Variants in VSX2 observed in about 807,000 individuals in gnomAD.
The protein encoded by VSX2 is ceh-10 homeo domain containing homolog.
Under a neutral mutation model 32.1 loss-of-function variants are expected in VSX2, and 28 were observed. The ratio of observed to expected loss-of-function variants is 0.87; its 90% CI spans 0.65 to 1.20. The LOEUF (loss-of-function observed/expected upper bound fraction) is 1.20. Ranked by LOEUF, VSX2 falls within the 50% of genes most tolerant of loss-of-function variation. VSX2 has a pLI of 0.00. For synonymous variants in VSX2, 243 were observed against 214.1 expected (o/e 1.14, Z -1.18); for missense variants, 506 against 488.7 (o/e 1.04, Z -0.33).
At chr14:74,249,849 C>T (rs1446816180) in intron 3 of VSX2, among the ~76,000 whole-genome samples, 1 of 152,196 alleles carries the variant, frequency 6.6e-6, no homozygotes. Context: ...CCTCACTCCA[C>T]ATCGCTCTGG....
intron 3 of VSX2, among the ~76,000 whole-genome samples, chr14:74,254,131 C>T (rs114318791): frequency 0.042 from 6,334 of 149,216 alleles, 307 homozygotes; most frequent in African/African-American, 0.12. Context: ...GGGGAGAGGC[C>T]AGGCGTGGGG....
chr14:74,245,757 A>G (rs2079188396), intron 3 of VSX2, among the ~76,000 whole-genome samples: 1 of 151,836 alleles, frequency 6.6e-6, no homozygotes, highest in South Asian at 2.1e-4. Context: ...CCATGATGAA[A>G]GTGTTACCCC....
intron 3 of VSX2, among the ~76,000 whole-genome samples, chr14:74,253,355 A>G (rs1346951311): frequency 1.3e-5 from 2 of 152,236 alleles, no homozygotes; most frequent in Non-Finnish European, 2.9e-5. Flanking sequence ...TGGGTTTGTC[A>G]GAACCAACAG....
chr14:74,254,711 C>A (rs1434754406), intron 3 of VSX2, among the ~76,000 whole-genome samples: 2 of 151,530 alleles, frequency 1.3e-5, no homozygotes, highest in African/African-American at 4.9e-5. Context: ...TTATCGGACA[C>A]CTTCTGTATG....
At chr14:74,250,962 A>T (rs1371969909) in intron 3 of VSX2, among the ~76,000 whole-genome samples, 1 of 151,468 alleles carries the variant, frequency 6.6e-6, no homozygotes, top group African/African-American at 2.4e-5. Context: ...GCAGATTTTT[A>T]AAATGCCCAT....
At chr14:74,248,932 A>T (rs1280139131) in intron 3 of VSX2, among the ~76,000 whole-genome samples, 1 of 152,178 alleles carries the variant, frequency 6.6e-6, no homozygotes, top group African/African-American at 2.4e-5. Flanking sequence ...TGCCATTGGT[A>T]GAATGGGGGT....
intron 3 of VSX2, among the ~76,000 whole-genome samples, chr14:74,254,716 T>G (rs921834764): frequency 6.6e-6 from 1 of 151,902 alleles, no homozygotes; most frequent in Non-Finnish European, 1.5e-5. Context: ...GGACACCTTC[T>G]GTATGACAAA....
Position 74,245,169 on chromosome 14 carries a change from A to C in VSX2, c.460A>C (p.Ile154Leu). Residue 154 changes from isoleucine to leucine, a missense_variant, in exon 3 of 5, where the codon ATC (isoleucine) becomes CTC (leucine). Transcript: ENST00000261980. ...GTTCGGTCTTGCTCCCCTCAGGACA[A>C]TCTTTACCTCCTACCAGCTAGAGGA... ...KKRKKRRHRT[I>L]FTSYQLEELE... 3.1e-6 allele frequency: 5 copies of C among 1,613,560 alleles called. No homozygotes were observed. Among genetic ancestry groups the C allele is most frequent in the Non-Finnish European group, 4.2e-6 (5 of 1,179,866 alleles).
intron 3 of VSX2, among the ~76,000 whole-genome samples, chr14:74,256,578 T>C: frequency 1.3e-5 from 2 of 152,036 alleles, no homozygotes; most frequent in Non-Finnish European, 2.9e-5. Context: ...TCTCCAGCCC[T>C]CTGTGGTCAC....
At chr14:74,244,927 T>TGAGAGAGAGA (rs1486415358) in intron 2 of VSX2, among the ~76,000 whole-genome samples, 37 of 39,324 alleles carry the variant, frequency 9.4e-4, no homozygotes, top group African/African-American at 2.2e-3. Flanking sequence ...TGTGTGTGTG[T>TGAGAGAGAGA]GTGAAAGAGA....
rs2079309045 is a variant in VSX2 at position 74,261,716 on chromosome 14, A to G, written c.*797A>G. 6.6e-6 allele frequency: 1 copy of G among 152,382 alleles called. No individual in the cohort carries two copies. The highest frequency in any genetic ancestry group is 1.5e-5 in the Non-Finnish European group (1 of 68,192). The allele number at this position is 152,382 out of a possible 1,614,324, so 9.4% of individuals were successfully genotyped here. A position where few individuals can be genotyped will look rare whatever the true frequency, so the allele number is the denominator to read the frequency against. On this transcript the variant is annotated 3_prime_UTR_variant, in exon 5 of 5. Transcript: ENST00000261980. ...GCCATGAGTCCATGTCCTATGCCTCACAAATGCTGTGGTTCACTGCACTGT... is the reference window on the plus strand; with the variant it reads ...GCCATGAGTCCATGTCCTATGCCTCGCAAATGCTGTGGTTCACTGCACTGT...
At chr14:74,245,362 G>C in intron 3 of VSX2, 74 bp downstream of exon 3, 1 of 1,595,666 alleles carries the variant, frequency 6.3e-7, no homozygotes, top group Non-Finnish European at 8.5e-7. Flanking sequence ...GGTTCCAGAT[G>C]CCCATGACCC....
In VSX2 at chr14:74,260,680, A is replaced by T. The variant is rs1056034705; in HGVS notation, c.847A>T (p.Met283Leu). 4.4e-6 allele frequency: 7 copies of T among 1,599,518 alleles called. No homozygotes were observed. Among genetic ancestry groups the T allele is most frequent in the Non-Finnish European group, 6.0e-6 (7 of 1,173,778 alleles). The change falls in exon 5 of 5, where the codon ATG becomes TTG. Residue 283 changes from methionine (M) to leucine (L), a missense_variant. Transcript: ENST00000261980. ...ERQALPKLDK[M>L]EQDERGPDAQ... ...CCAGGCCCTGCCCAAGCTCGACAAG[A>T]TGGAGCAGGACGAGCGGGGCCCCGA... is the stretch of plus-strand genomic sequence containing the variant.
chr14:74,248,192 C>T (rs1204789491), intron 3 of VSX2, among the ~76,000 whole-genome samples: 4 of 151,878 alleles, frequency 2.6e-5, no homozygotes, highest in South Asian at 2.1e-4. Flanking sequence ...GCAGGTGAGA[C>T]GAGCAGGAAA....
At chr14:74,255,032 G>A (rs1280044627) in intron 3 of VSX2, among the ~76,000 whole-genome samples, 3 of 151,908 alleles carry the variant, frequency 2.0e-5, no homozygotes, top group Non-Finnish European at 4.4e-5. Flanking sequence ...CACCCACCTC[G>A]GCCTCCCAAA....
chr14:74,252,242 C>T (rs746302727), intron 3 of VSX2, among the ~76,000 whole-genome samples: 3 of 152,348 alleles, frequency 2.0e-5, no homozygotes, highest in African/African-American at 4.8e-5. Flanking sequence ...GGCCTGCTAG[C>T]TGTGCCTTTG....
At position 74,241,230 on chromosome 14, in the gene VSX2, T is replaced by C. The variant is rs899470082; in HGVS notation, c.419T>C (p.Leu140Ser). 3 of 1,613,376 alleles carry C rather than the reference T, an allele frequency of 1.9e-6. No individual in the cohort carries two copies. Among genetic ancestry groups the C allele is most frequent in the Non-Finnish European group, 2.5e-6 (3 of 1,180,024 alleles). The change falls in exon 2 of 5, where the codon TTA becomes TCA. Residue 140 changes from leucine to serine, a missense_variant. Transcript: ENST00000261980. ...GATCGAAAAATGTCCAAATCTGCTT[T>C]AAACCAGACCAAGAAACGGAAGAAG... The part of the protein sequence containing the change: ...SSDRKMSKSA[L>S]NQTKKRKKRR...
intron 2 of VSX2, among the ~76,000 whole-genome samples, chr14:74,242,651 C>T (rs192224953): frequency 2.3e-3 from 331 of 146,474 alleles, no homozygotes; most frequent in African/African-American, 7.9e-3. Flanking sequence ...ATTCATTCAA[C>T]GAATATTCAT....
intron 3 of VSX2, among the ~76,000 whole-genome samples, chr14:74,258,387 T>C (rs942268651): frequency 3.3e-5 from 5 of 151,914 alleles, no homozygotes; most frequent in African/African-American, 1.2e-4. Flanking sequence ...CTGATACCTC[T>C]GCCGCGGGGG....
Sources: allele counts gnomAD v4.1 joint callset (sites outside exome capture counted in the v4.1 genomes callset), GRCh38; gene constraint gnomAD v4.1.1; transcripts MANE v1.5; gene names NCBI Gene and HGNC (gene_info 2026-07-23, HGNC 2026-07-21).